The following RUFY2 variants were observed in gnomAD, a reference collection of about 807,000 sequenced individuals.
The protein encoded by RUFY2 is RUN and FYVE domain-containing protein 2.
In RUFY2, 49 loss-of-function variants were observed where a neutral mutation model predicts 94.4. The ratio of observed to expected loss-of-function variants is 0.52; its 90% CI spans 0.41 to 0.66. The LOEUF is 0.66. Among genes scored for constraint, RUFY2 ranks in the 30% least tolerant of loss-of-function variants. The probability of loss-of-function intolerance (pLI) is 0.00; values close to 1 mark genes in which losing one functional copy is unlikely to be tolerated. For missense variants in RUFY2, 541 were observed against 692.8 expected, an observed-to-expected ratio of 0.78 and a Z score of 2.46; for synonymous variants, 255 against 235.7, an observed-to-expected ratio of 1.08 and a Z score of -0.75.
At chr10:68,369,169 A>T (rs2048072396) in intron 13 of RUFY2, among the ~76,000 whole-genome samples, 1 of 152,214 alleles carries the variant, frequency 6.6e-6, no homozygotes, top group African/African-American at 2.4e-5. Flanking sequence ...ATTGAAACTT[A>T]ATTCCCAATT....
At chr10:68,378,977 G>A (rs1446836360) in intron 12 of RUFY2, among the ~76,000 whole-genome samples, 1 of 152,126 alleles carries the variant, frequency 6.6e-6, no homozygotes, top group African/African-American at 2.4e-5. Context: ...TCCTCGGTTG[G>A]GTTGAGGGTC....
At chr10:68,353,099 G>A (rs1436200097) in intron 16 of RUFY2, among the ~76,000 whole-genome samples, 1 of 151,820 alleles carries the variant, frequency 6.6e-6, no homozygotes, top group Non-Finnish European at 1.5e-5. Context: ...TTGGGAGGCC[G>A]AGGCAGGTGC....
At position 68,344,524 on chromosome 10, in the gene RUFY2, G is replaced by A. The variant is rs1589740701; in HGVS notation, c.*1244C>T. On this transcript the variant is annotated 3_prime_UTR_variant, in exon 18 of 18. Transcript: ENST00000602465. ...AATATAACTTGGATTAGTGTTCATT[G>A]AGTCAGCTTGAAATAGGTCAAGTGT... The A allele has an allele frequency of 6.6e-6, 1 of 152,164 alleles. No homozygotes were observed. Among genetic ancestry groups the A allele is most frequent in the African/African-American group, 2.4e-5 (1 of 41,434 alleles). 9.4% of individuals were successfully genotyped at this position (152,164 alleles called of 1,614,324 possible).
intron 12 of RUFY2, 26 bp downstream of exon 12, chr10:68,379,398 A>G (rs767809728): frequency 1.3e-6 from 2 of 1,529,280 alleles, no homozygotes; most frequent in Middle Eastern, 1.8e-4. Context: ...AAAGAAAAAA[A>G]GAAACTAAGA....
Position 68,396,868 on chromosome 10 carries a change from G to A in RUFY2, c.310C>T (p.Arg104Ter), listed in dbSNP as rs768777155. Residue 104 changes from arginine to a stop codon, truncating the protein, a stop_gained, in exon 4 of 18, where the codon CGA becomes TGA. Coordinates refer to ENST00000602465, the MANE Select transcript of RUFY2 (RefSeq NM_001330103.2). LOFTEE classifies it high-confidence loss of function. ...GCTAATCGAAGCCACGCTCTTGCTC[G>A]ACCCAGAGGGGTCCTAAAGAGAAGA... ...DLPGLKTPLG[R>*]ARAWLRLALM... The A allele has an allele frequency of 1.2e-6, 2 of 1,612,832 alleles. No homozygotes were observed. The highest frequency in any genetic ancestry group is 2.2e-5 in the East Asian group (1 of 44,882).
rs185191562 is a variant in RUFY2, at chr10:68,383,068, T to C, written c.939+730A>G. On this transcript the variant is annotated intron_variant, in intron 10 of 17. Transcript: ENST00000602465. ...GGTCAGGCACAGTGGCTTATGCCTA[T>C]AATCACAGCACTTTGGGAGGCCAAG... is the stretch of plus-strand genomic sequence containing the variant. 3.1e-4 allele frequency among the ~76,000 whole-genome samples: 47 copies of C among 152,374 alleles called. No individual in the cohort carries two copies. In the East Asian group the frequency reaches 8.7e-3, roughly 28 times the overall value.
intron 4 of RUFY2, among the ~76,000 whole-genome samples, chr10:68,395,070 G>T (rs10998108): frequency 0.095 from 14,307 of 150,680 alleles, 997 homozygotes; most frequent in South Asian, 0.24. Context: ...AGACACGGTG[G>T]CTCACGCCTG....
At chr10:68,405,734 T>A (rs1013702831) in intron 1 of RUFY2, 2 of 982,568 alleles carry the variant, frequency 2.0e-6, no homozygotes, top group Non-Finnish European at 2.4e-6. Flanking sequence ...GGCTTCTTCA[T>A]TCTGACTGTA....
In RUFY2 at chr10:68,343,830, AAAAG is replaced by A. The variant is rs1445173649; in HGVS notation, c.*1934_*1937del. 1.0e-3 allele frequency: 156 copies of A among 150,120 alleles called. 1 individual carries two copies. The East Asian group carries it at 0.013, about 13-fold the overall frequency. 9.3% of individuals were successfully genotyped at this position (150,120 alleles called of 1,614,324 possible). A position where few individuals can be genotyped will look rare whatever the true frequency, so the allele number is the denominator to read the frequency against. On this transcript the variant is annotated 3_prime_UTR_variant, in exon 18 of 18. Coordinates refer to ENST00000602465, the MANE Select transcript of RUFY2 (RefSeq NM_001330103.2). ...GCCTAAAAAAAAAAAAAAAAAAAAA[AAAAG>A]CAAGTCAGTCAGTGTTGATACATGA... is the stretch of plus-strand genomic sequence containing the variant.
intron 12 of RUFY2, chr10:68,377,785 G>A (rs1413251742): frequency 2.0e-6 from 2 of 984,618 alleles, no homozygotes; most frequent in African/African-American, 3.5e-5. Context: ...AAGATTCAAA[G>A]GATATTAACT....
intron 1 of RUFY2, chr10:68,405,520 G>T (rs952602097): frequency 1.8e-5 from 15 of 850,792 alleles, no homozygotes; most frequent in Non-Finnish European, 2.1e-5. Flanking sequence ...CAGGTTTAAG[G>T]GCCTCATGCA....
chr10:68,394,005 G>T, intron 6 of RUFY2, 70 bp downstream of exon 6: 2 of 1,452,742 alleles, frequency 1.4e-6, no homozygotes, highest in Admixed American at 2.8e-5. Flanking sequence ...GTAAATAGAT[G>T]GATCTTATAA....
intron 1 of RUFY2, among the ~76,000 whole-genome samples, chr10:68,405,185 C>T (rs1315531848): frequency 1.3e-5 from 2 of 151,776 alleles, no homozygotes; most frequent in Non-Finnish European, 2.9e-5. Flanking sequence ...TGGTGGTGCG[C>T]GGCTGTAGTC....
Position 68,382,734 on chromosome 10 carries a change from A to T in RUFY2, c.939+1064T>A, listed in dbSNP as rs12220256. Among the ~76,000 whole-genome samples the T allele has an allele frequency of 1.2e-4, 18 of 148,690 alleles. No individual in the cohort carries two copies. The South Asian group carries it at 3.8e-3, about 31-fold the overall frequency. ...ATCTCAAAAAAAAAAAAAAAGAAAA[A>T]AAAAAGAAATTTATTAGCATTCAAG... is the stretch of plus-strand genomic sequence containing the variant. On this transcript the variant is annotated intron_variant, in intron 10 of 17. Transcript: ENST00000602465.
At chr10:68,363,056 A>T (rs2047562787) in intron 15 of RUFY2, among the ~76,000 whole-genome samples, 1 of 152,252 alleles carries the variant, frequency 6.6e-6, no homozygotes, top group Admixed American at 6.5e-5. Flanking sequence ...AATAAATTGA[A>T]CAAGAGTGTT....
intron 13 of RUFY2, among the ~76,000 whole-genome samples, chr10:68,375,315 G>T (rs1350247891): frequency 7.3e-6 from 1 of 136,810 alleles, no homozygotes; most frequent in East Asian, 2.4e-4. Context: ...CTATTTGAGG[G>T]GGGAGGATGG....
intron 15 of RUFY2, among the ~76,000 whole-genome samples, chr10:68,358,024 T>A (rs563545638): frequency 6.6e-6 from 1 of 151,774 alleles, no homozygotes; most frequent in Non-Finnish European, 1.5e-5. Context: ...CTCATCTCTA[T>A]CAAAAATACA....
chr10:68,378,558 G>C (rs776049875), intron 12 of RUFY2: 1 of 1,573,456 alleles, frequency 6.4e-7, no homozygotes, highest in Non-Finnish European at 8.6e-7. Context: ...AATACAAGTG[G>C]TCTTCAGAAA....
rs188939828 is a variant in RUFY2, at chr10:68,375,135, T to C, written c.1325+1718A>G. Among the ~76,000 whole-genome samples the C allele has an allele frequency of 3.3e-5, 5 of 152,260 alleles. No homozygotes were observed. The East Asian group carries it at 5.8e-4, about 18-fold the overall frequency. On this transcript the variant is annotated intron_variant, in intron 13 of 17. Coordinates refer to ENST00000602465, the MANE Select transcript of RUFY2 (RefSeq NM_001330103.2). ...GAAGCTGGGCATGGTGGCTCACTTCTGTAATCCCAACACTTTGAGAGTTGA... is the reference window on the plus strand; with the variant it reads ...GAAGCTGGGCATGGTGGCTCACTTCCGTAATCCCAACACTTTGAGAGTTGA...
Sources: allele counts gnomAD v4.1 joint callset (sites outside exome capture counted in the v4.1 genomes callset), GRCh38; gene constraint gnomAD v4.1.1; transcripts MANE v1.5; gene names NCBI Gene and HGNC (gene_info 2026-07-23, HGNC 2026-07-21).